The following SHISA9 variants were observed in gnomAD, a reference collection of about 807,000 sequenced individuals.
The protein encoded by SHISA9 is protein shisa-9.
A neutral mutation model predicts 38.0 loss-of-function variants in SHISA9; 13 were observed. The ratio of observed to expected loss-of-function variants is 0.34; its 90% confidence interval spans 0.22 to 0.54. The LOEUF is 0.54. Among genes scored for constraint, SHISA9 ranks in the 20% least tolerant of loss-of-function variants. The probability of loss-of-function intolerance (pLI) is 0.91; values close to 1 mark genes in which losing one functional copy is unlikely to be tolerated. For synonymous variants in SHISA9, 275 were observed against 242.0 expected (o/e 1.14, Z -1.27); for missense variants, 538 against 575.8 (o/e 0.93, Z 0.67).
intron 2 of SHISA9, among the ~76,000 whole-genome samples, chr16:13,062,943 T>G (rs2073392655): frequency 6.7e-6 from 1 of 148,604 alleles, no homozygotes; most frequent in African/African-American, 2.5e-5. Context: ...CTAGATGCAC[T>G]TGCCTGGGCG....
intron 2 of SHISA9, among the ~76,000 whole-genome samples, chr16:13,137,340 C>A (rs2050358675): frequency 6.6e-6 from 1 of 152,114 alleles, no homozygotes. Flanking sequence ...AATGAGTGAC[C>A]CCCAAGTTGA....
the SHISA9 span, among the ~76,000 whole-genome samples, chr16:13,541,642 G>A: frequency 3.9e-5 from 6 of 152,160 alleles, no homozygotes; most frequent in East Asian, 1.9e-4. Context: ...TAAATACTGC[G>A]TTGTTTCTAT....
intron 2 of SHISA9, among the ~76,000 whole-genome samples, chr16:13,053,496 A>C (rs901244400): frequency 6.6e-5 from 10 of 152,166 alleles, no homozygotes; most frequent in Non-Finnish European, 1.3e-4. Flanking sequence ...CTCTTAAATA[A>C]TGCAAATCAG....
At chr16:12,973,227 C>T (rs1339463715) in intron 2 of SHISA9, among the ~76,000 whole-genome samples, 1 of 152,214 alleles carries the variant, frequency 6.6e-6, no homozygotes, top group African/African-American at 2.4e-5. Flanking sequence ...AGCTGAATCC[C>T]ATATTCACAG....
intron 2 of SHISA9, among the ~76,000 whole-genome samples, chr16:13,149,552 T>C (rs1041248680): frequency 6.6e-6 from 1 of 152,174 alleles, no homozygotes; most frequent in Admixed American, 6.5e-5. Flanking sequence ...ACTAGCTCCT[T>C]GACCCTGAGC....
the SHISA9 span, among the ~76,000 whole-genome samples, chr16:13,308,420 G>A: frequency 6.6e-6 from 1 of 152,186 alleles, no homozygotes; most frequent in Non-Finnish European, 1.5e-5. Flanking sequence ...CATAACCATG[G>A]CACTGAGGGT....
At chr16:12,980,019 T>C (rs1056364271) in intron 2 of SHISA9, among the ~76,000 whole-genome samples, 4 of 152,198 alleles carry the variant, frequency 2.6e-5, no homozygotes, top group African/African-American at 9.7e-5. Flanking sequence ...CCTGTATTTT[T>C]ACAAGGTCAG....
chr16:13,115,027 CATCT>C (rs1334764744), intron 2 of SHISA9, among the ~76,000 whole-genome samples: 1 of 151,900 alleles, frequency 6.6e-6, no homozygotes, highest in Non-Finnish European at 1.5e-5. Flanking sequence ...TTTATCCATC[CATCT>C]ATCTATCTCT....
At chr16:13,327,491 C>T in the SHISA9 span, among the ~76,000 whole-genome samples, 1 of 151,942 alleles carries the variant, frequency 6.6e-6, no homozygotes, top group Non-Finnish European at 1.5e-5. Context: ...TGTTGTGCAC[C>T]TGTAATCCCA....
At chr16:13,365,172 A>G in the SHISA9 span, among the ~76,000 whole-genome samples, 1 of 152,180 alleles carries the variant, frequency 6.6e-6, no homozygotes, top group Admixed American at 6.5e-5. Flanking sequence ...CCCTAGCATC[A>G]CCTCATGGAG....
the SHISA9 span, chr16:13,474,465 A>G: frequency 1.3e-5 from 2 of 152,216 alleles, no homozygotes; most frequent in Non-Finnish European, 2.9e-5. Context: ...TTTAATCTTC[A>G]AAACTACAGT....
the SHISA9 span, among the ~76,000 whole-genome samples, chr16:13,543,478 G>A: frequency 1.3e-5 from 2 of 152,108 alleles, no homozygotes; most frequent in Non-Finnish European, 1.5e-5. Context: ...GAGGTCCAAG[G>A]AAGTTAAACA....
the SHISA9 span, among the ~76,000 whole-genome samples, chr16:13,340,128 C>T: frequency 1.3e-5 from 2 of 152,116 alleles, no homozygotes; most frequent in African/African-American, 4.8e-5. Context: ...TAATTGCTAC[C>T]TCTTGGGACT....
chr16:12,965,299 G>T (rs1204404927), intron 2 of SHISA9, among the ~76,000 whole-genome samples: 4 of 152,100 alleles, frequency 2.6e-5, no homozygotes, highest in Non-Finnish European at 5.9e-5. Flanking sequence ...CAATTCAGTG[G>T]TTGTCCTTAT....
chr16:13,315,542 T>A, the SHISA9 span, among the ~76,000 whole-genome samples: 1 of 152,320 alleles, frequency 6.6e-6, no homozygotes, highest in Non-Finnish European at 1.5e-5. Context: ...GCTAAGAGCA[T>A]GGACTTGAGA....
In SHISA9 at chr16:13,207,542, G is replaced by A. The variant is rs933001985; in HGVS notation, c.847+3993G>A. 7.9e-5 allele frequency among the ~76,000 whole-genome samples: 12 copies of A among 152,036 alleles called. No homozygotes were observed. In the South Asian group the frequency reaches 1.5e-3, roughly 18 times the overall value. On this transcript the variant is annotated intron_variant, in intron 3 of 4. Transcript: ENST00000558583. ...CCTAGAAAACTCTGAAGCATCCCAC[G>A]TGGGACACCTTCCCCAGTCCTAGAT... is the stretch of plus-strand genomic sequence containing the variant.
the SHISA9 span, among the ~76,000 whole-genome samples, chr16:13,528,595 GA>G: frequency 2.0e-5 from 3 of 151,986 alleles, no homozygotes; most frequent in African/African-American, 4.8e-5. Context: ...GGAGGTCATA[GA>G]AAAAAAACTG....
the SHISA9 span, among the ~76,000 whole-genome samples, chr16:13,355,370 T>C: frequency 1.3e-5 from 2 of 151,674 alleles, no homozygotes; most frequent in East Asian, 3.9e-4. Context: ...GGTGCATGAT[T>C]GGTCACCAAG....
chr16:13,160,153 G>C lies in SHISA9; in HGVS notation c.692-43241G>C, dbSNP rs141345146. Among the ~76,000 whole-genome samples the C allele has an allele frequency of 2.6e-3, 401 of 152,320 alleles. 2 individuals are homozygous for C. The highest frequency in any genetic ancestry group is 9.1e-3 in the African/African-American group (379 of 41,572). On this transcript the variant is annotated intron_variant, in intron 2 of 4. Coordinates refer to ENST00000558583, the MANE Select transcript of SHISA9 (RefSeq NM_001145204.3). ...GAGCCATATGAAGGCCTAGGGAAGA[G>C]AGTTCCAGGTGGAAGGAATCACAGG...
Sources: allele counts gnomAD v4.1 joint callset (sites outside exome capture counted in the v4.1 genomes callset), GRCh38; gene constraint gnomAD v4.1.1; transcripts MANE v1.5; gene names NCBI Gene and HGNC (gene_info 2026-07-23, HGNC 2026-07-21).